The following ZC3H12B variants were observed in gnomAD, a reference collection of about 807,000 sequenced individuals.
The protein encoded by ZC3H12B is zinc finger CCCH-type containing 12B, also known as probable ribonuclease ZC3H12B.
Under a neutral mutation model 43.9 loss-of-function variants are expected in ZC3H12B, and 7 were observed. The observed-to-expected ratio is 0.16, with a 90% CI of 0.09 to 0.30. The LOEUF (loss-of-function observed/expected upper bound fraction) is 0.30. Among genes scored for constraint, ZC3H12B ranks in the 10% least tolerant of loss-of-function variants. The pLI is 1.00. For missense variants in ZC3H12B, 475 were observed against 670.2 expected, an observed-to-expected ratio of 0.71 and a Z score of 3.22; for synonymous variants, 222 against 241.7, an observed-to-expected ratio of 0.92 and a Z score of 0.76.
At chrX:65,095,450 A>T in the ZC3H12B span, among the ~76,000 whole-genome samples, 1 of 111,033 alleles carries the variant, frequency 9.0e-6, no homozygotes, top group African/African-American at 3.3e-5. Flanking sequence ...ACTGGCCCCA[A>T]ATTGGAAAGA....
chrX:65,304,547 C>T, the ZC3H12B span, among the ~76,000 whole-genome samples: 9 of 107,398 alleles, frequency 8.4e-5, no homozygotes, highest in East Asian at 1.5e-3. Context: ...ACCCGGGAGG[C>T]GGAGCTTGCA....
the ZC3H12B span, among the ~76,000 whole-genome samples, chrX:65,288,564 T>C: frequency 8.9e-6 from 1 of 112,160 alleles, no homozygotes; most frequent in Non-Finnish European, 1.9e-5. Context: ...AATATGACTG[T>C]CTCAATAGAT....
the ZC3H12B span, among the ~76,000 whole-genome samples, chrX:65,348,785 A>G: frequency 1.8e-5 from 2 of 111,418 alleles, no homozygotes; most frequent in African/African-American, 6.5e-5. Flanking sequence ...AGCATTATAT[A>G]ATGGTAAAGG....
the ZC3H12B span, among the ~76,000 whole-genome samples, chrX:65,207,795 C>A: frequency 4.7e-5 from 3 of 63,323 alleles, no homozygotes; most frequent in East Asian, 1.5e-3. Flanking sequence ...GATATTGATT[C>A]TTCCTACCCA....
At chrX:65,156,077 G>C in the ZC3H12B span, among the ~76,000 whole-genome samples, 1 of 109,235 alleles carries the variant, frequency 9.2e-6, no homozygotes, top group Non-Finnish European at 1.9e-5. Context: ...GGTCTTTATA[G>C]AAAAAAAAAT....
the ZC3H12B span, among the ~76,000 whole-genome samples, chrX:65,107,487 T>G: frequency 4.5e-5 from 5 of 111,325 alleles, no homozygotes; most frequent in East Asian, 2.9e-4. Context: ...AATTTTGTCA[T>G]TATGTGAGTA....
chrX:65,246,532 A>T, the ZC3H12B span, among the ~76,000 whole-genome samples: 2 of 112,189 alleles, frequency 1.8e-5, no homozygotes, highest in Non-Finnish European at 3.8e-5. Context: ...TACAGCAACC[A>T]AAACAGCCTG....
the ZC3H12B span, among the ~76,000 whole-genome samples, chrX:65,144,522 G>T: frequency 9.0e-6 from 1 of 111,159 alleles, no homozygotes; most frequent in South Asian, 3.7e-4. Flanking sequence ...TTTGGGTTTG[G>T]TGTGTTCTTG....
the ZC3H12B span, among the ~76,000 whole-genome samples, chrX:65,186,777 A>G: frequency 9.0e-6 from 1 of 111,630 alleles, no homozygotes; most frequent in East Asian, 2.8e-4. Context: ...GAGTGAGAAC[A>G]TAAAATATTT....
the ZC3H12B span, among the ~76,000 whole-genome samples, chrX:65,324,001 A>G: frequency 1.8e-5 from 2 of 111,683 alleles, no homozygotes; most frequent in Non-Finnish European, 3.8e-5. Flanking sequence ...TCTTTTGAGA[A>G]GGGTCTCTTC....
the ZC3H12B span, among the ~76,000 whole-genome samples, chrX:65,284,803 G>T: frequency 2.7e-5 from 3 of 110,232 alleles, no homozygotes; most frequent in African/African-American, 9.9e-5. Context: ...ATTTTTAAAA[G>T]AACCAAATAG....
chrX:65,061,093 G>A, the ZC3H12B span, among the ~76,000 whole-genome samples: 4 of 110,849 alleles, frequency 3.6e-5, no homozygotes, highest in East Asian at 1.1e-3. Flanking sequence ...TTGAATTTTT[G>A]CAATATCAGT....
chrX:65,310,990 T>G, the ZC3H12B span, among the ~76,000 whole-genome samples: 3 of 112,237 alleles, frequency 2.7e-5, no homozygotes, highest in Non-Finnish European at 5.6e-5. Flanking sequence ...TATACAAAAA[T>G]TAATTCAAGA....
At chrX:65,212,051 AATAT>A in the ZC3H12B span, among the ~76,000 whole-genome samples, 2 of 63,233 alleles carry the variant, frequency 3.2e-5, no homozygotes, top group African/African-American at 1.3e-4. Context: ...TATAATATAT[AATAT>A]ATATGTTATG....
chrX:65,100,566 C>CAAAAAAAAAAAAAA, the ZC3H12B span, among the ~76,000 whole-genome samples: 7 of 4,531 alleles, frequency 1.5e-3, 2 homozygotes, highest in African/African-American at 4.2e-3. Context: ...AAAGATAAAG[C>CAAAAAAAAAAAAAA]AAAAAAAAAA....
chrX:65,461,988 A>C (rs1046439537), intron 3 of ZC3H12B, among the ~76,000 whole-genome samples: 6 of 110,498 alleles, frequency 5.4e-5, no homozygotes, highest in African/African-American at 2.0e-4. Context: ...AGAAATAAAA[A>C]ATAAATAAAT....
chrX:65,264,098 C>G, the ZC3H12B span, among the ~76,000 whole-genome samples: 1 of 111,263 alleles, frequency 9.0e-6, no homozygotes, highest in Admixed American at 9.6e-5. Context: ...TAAATGGGAG[C>G]TAAGCTATGG....
chrX:65,166,666 G>A, the ZC3H12B span, among the ~76,000 whole-genome samples: 1 of 111,862 alleles, frequency 8.9e-6, no homozygotes, highest in Non-Finnish European at 1.9e-5. Context: ...CACCAACAAT[G>A]TAAAAGTGTT....
chrX:65,174,965 C>G, the ZC3H12B span, among the ~76,000 whole-genome samples: 1 of 111,725 alleles, frequency 9.0e-6, no homozygotes, highest in Admixed American at 9.5e-5. Flanking sequence ...CTGCACCTAG[C>G]TTGCTTTCTG....
Sources: allele counts gnomAD v4.1 joint callset (sites outside exome capture counted in the v4.1 genomes callset), GRCh38; gene constraint gnomAD v4.1.1; transcripts MANE v1.5; gene names NCBI Gene and HGNC (gene_info 2026-07-23, HGNC 2026-07-21).